PDGFRA: variants seen among roughly 807,000 people sequenced by gnomAD.
PDGFRA encodes the protein platelet-derived growth factor receptor alpha.
Under a neutral mutation model 121.5 loss-of-function variants are expected in PDGFRA, and 25 were observed. The ratio of observed to expected loss-of-function variants is 0.21; its 90% confidence interval spans 0.15 to 0.29. The LOEUF is 0.29. Ranked by LOEUF, PDGFRA falls within the 10% of genes least tolerant of loss-of-function variation. PDGFRA has a pLI of 1.00. For missense variants in PDGFRA, 1,008 were observed against 1,345.1 expected, an observed-to-expected ratio of 0.75 and a Z score of 3.92; for synonymous variants, 463 against 494.8, an observed-to-expected ratio of 0.94 and a Z score of 0.85.
intron 1 of PDGFRA, among the ~76,000 whole-genome samples, chr4:54,232,327 A>G (rs1246246216): frequency 6.6e-6 from 1 of 152,202 alleles, no homozygotes; most frequent in African/African-American, 2.4e-5. Flanking sequence ...GGGTTCTGCC[A>G]GATGGTTGTC....
chr4:54,265,094 G>A (rs1722963748), intron 5 of PDGFRA, 45 bp downstream of exon 5: 3 of 1,603,936 alleles, frequency 1.9e-6, no homozygotes, highest in Non-Finnish European at 2.6e-6. Flanking sequence ...AGAGCAACAG[G>A]GCTCAGAAGA....
chr4:54,243,634 C>G (rs1030273299), intron 1 of PDGFRA: 1 of 152,424 alleles, frequency 6.6e-6, no homozygotes, highest in South Asian at 2.1e-4. Context: ...CCAGCATCAG[C>G]GATGCAGAAG....
chr4:54,242,685 G>A (rs1009194605), intron 1 of PDGFRA, among the ~76,000 whole-genome samples: 2 of 151,724 alleles, frequency 1.3e-5, no homozygotes, highest in Non-Finnish European at 2.9e-5. Context: ...TCTTCTCAGT[G>A]GACTGAATTA....
At position 54,284,879 on chromosome 4, in the gene PDGFRA, C is replaced by CTTTTTTTTTTTTTTTTTTTTTTTTTT. The variant is rs5858264; in HGVS notation, c.2324-470_2324-469insTTTTTTTTTTTTTTTTTTTTTTTTTT. Among the ~76,000 whole-genome samples the CTTTTTTTTTTTTTTTTTTTTTTTTTT allele has an allele frequency of 2.0e-5, 2 of 101,248 alleles. 1 individual carries two copies. The allele number at this position is 101,248 out of a possible 152,430, so 66.4% of individuals were successfully genotyped here. Reference sequence around the variant, plus strand: ...CTTTCCTTTCTTTCATTCTTTCTATCTTTTTTTTTTTTTTTTTTTTTTGAG... The same window carrying CTTTTTTTTTTTTTTTTTTTTTTTTTT: ...CTTTCCTTTCTTTCATTCTTTCTATCTTTTTTTTTTTTTTTTTTTTTTTTTTTTTTTTTTTTTTTTTTTTTTTTGAG... On this transcript the variant is annotated intron_variant, in intron 16 of 22. Coordinates refer to ENST00000257290, the MANE Select transcript of PDGFRA (RefSeq NM_006206.6).
chr4:54,252,161 C>T (rs1458724493), intron 1 of PDGFRA, among the ~76,000 whole-genome samples: 6 of 152,134 alleles, frequency 3.9e-5, no homozygotes, highest in East Asian at 1.9e-4. Context: ...GGATGGCTAA[C>T]GTAAAGATCT....
chr4:54,238,579 T>C lies in PDGFRA; in HGVS notation c.-13+9164T>C, dbSNP rs951552406. The stretch of plus-strand genomic sequence containing the variant: ...AAGAAGAGGATGAGACCTGCTGGGC[T>C]GCATTCCCAGGAGGTTACACATTTG... On this transcript the variant is annotated intron_variant, in intron 1 of 22. Transcript: ENST00000257290. Among the ~76,000 whole-genome samples the C allele has an allele frequency of 2.0e-5, 3 of 152,202 alleles. No homozygotes were observed. The East Asian group carries it at 5.8e-4, about 29-fold the overall frequency.
At position 54,244,410 on chromosome 4, in the gene PDGFRA, G is replaced by A. The variant is rs201056011; in HGVS notation, c.-12-14347G>A. Among the ~76,000 whole-genome samples the A allele has an allele frequency of 1.0e-3, 155 of 152,186 alleles. 1 individual carries two copies. In the East Asian group the frequency reaches 0.021, roughly 20 times the overall value. Reference sequence around the variant, plus strand: ...TCAGACAGCAGCATTTGCGGTTCACGAAAATCTGCTGTTCTGCCGCCACTG... The same window carrying A: ...TCAGACAGCAGCATTTGCGGTTCACAAAAATCTGCTGTTCTGCCGCCACTG... On this transcript the variant is annotated intron_variant, in intron 1 of 22. Transcript: ENST00000257290.
intron 1 of PDGFRA, among the ~76,000 whole-genome samples, chr4:54,258,183 G>C (rs1722478378): frequency 6.6e-6 from 1 of 152,032 alleles, no homozygotes; most frequent in African/African-American, 2.4e-5. Context: ...TGTTTAGCCT[G>C]GCTTGGGATC....
intron 1 of PDGFRA, among the ~76,000 whole-genome samples, chr4:54,236,782 G>A (rs1049843335): frequency 5.4e-4 from 82 of 151,858 alleles, no homozygotes; most frequent in African/African-American, 1.7e-3. Flanking sequence ...CAGCCCAGGC[G>A]GCAGTGCAAG....
chr4:54,231,353 G>A (rs981868464), intron 1 of PDGFRA, among the ~76,000 whole-genome samples: 5 of 152,196 alleles, frequency 3.3e-5, no homozygotes. Flanking sequence ...GCCTCGCCGC[G>A]GTCGCTCCTG....
chr4:54,277,532 T>G, intron 13 of PDGFRA, 40 bp downstream of exon 13: 1 of 1,316,968 alleles, frequency 7.6e-7, no homozygotes, highest in African/African-American at 1.4e-5. Flanking sequence ...GCACGGGGAT[T>G]TTTTGAGCAT....
At chr4:54,287,826 A>G (rs1055875384) in intron 19 of PDGFRA, among the ~76,000 whole-genome samples, 1 of 152,124 alleles carries the variant, frequency 6.6e-6, no homozygotes, top group African/African-American at 2.4e-5. Context: ...AGTGGTCCCA[A>G]TGACATTCGC....
At position 54,298,213 on chromosome 4, in the gene PDGFRA, A is replaced by G. The variant is rs1456707745; in HGVS notation, c.*2941A>G. The G allele has an allele frequency of 5.1e-6, 1 of 197,006 alleles. No homozygotes were observed. The highest frequency in any genetic ancestry group is 2.3e-5 in the African/African-American group (1 of 43,292). 12.2% of individuals were successfully genotyped at this position (197,006 alleles called of 1,614,324 possible). ...TTAAAACGTGTAAATGAAGATCTTTATATTTCAATAAATGATATATAATTT... is the reference window on the plus strand; with the variant it reads ...TTAAAACGTGTAAATGAAGATCTTTGTATTTCAATAAATGATATATAATTT... On this transcript the variant is annotated 3_prime_UTR_variant, in exon 23 of 23. Transcript: ENST00000257290.
At chr4:54,251,803 A>T (rs560899430) in intron 1 of PDGFRA, among the ~76,000 whole-genome samples, 2 of 152,216 alleles carry the variant, frequency 1.3e-5, no homozygotes, top group African/African-American at 4.8e-5. Flanking sequence ...GGCTGGCTCA[A>T]GGCTTTAAGA....
At chr4:54,253,845 C>T (rs1370589424) in intron 1 of PDGFRA, among the ~76,000 whole-genome samples, 4 of 151,978 alleles carry the variant, frequency 2.6e-5, no homozygotes, top group Non-Finnish European at 4.4e-5. Flanking sequence ...CCACCATGCC[C>T]GGCTAATGTT....
chr4:54,255,781 A>C (rs1267343490), intron 1 of PDGFRA, among the ~76,000 whole-genome samples: 2 of 151,824 alleles, frequency 1.3e-5, no homozygotes, highest in Non-Finnish European at 2.9e-5. Context: ...CTGGGATTAC[A>C]GGCGTGAGCC....
At position 54,261,305 on chromosome 4, in the gene PDGFRA, T is replaced by C. The variant is rs1473497171; in HGVS notation, c.260T>C (p.Val87Ala). The C allele has an allele frequency of 6.2e-7, 1 of 1,614,022 alleles. No homozygotes were observed. The highest frequency in any genetic ancestry group is 8.5e-7 in the Non-Finnish European group (1 of 1,179,994). ...GGCCTTTTTGTGACGGTCTTGGAAG[T>C]GAGCAGTGCCTCGGCGGCCCACACA... ...NSGLFVTVLE[V>A]SSASAAHTGL... The change falls in exon 3 of 23, where the codon GTG becomes GCG. Residue 87 changes from valine to alanine, a missense_variant. Transcript: ENST00000257290.
chr4:54,249,662 C>T (rs1391632180), intron 1 of PDGFRA, among the ~76,000 whole-genome samples: 1 of 151,992 alleles, frequency 6.6e-6, no homozygotes, highest in East Asian at 1.9e-4. Context: ...GGAGGGATAC[C>T]TTTAGGAGAT....
rs200719395 is a variant in PDGFRA at position 54,278,408 on chromosome 4, C to G, written c.2049C>G (p.Val683=). Residue 683 remains valine, a synonymous_variant, in exon 15 of 23, where the codon GTC becomes GTG. Coordinates refer to ENST00000257290, the MANE Select transcript of PDGFRA (RefSeq NM_006206.6). Reference sequence around the variant, plus strand: ...AGTATTGCTTCTATGGAGATTTGGTCAACTATTTGCATAAGAATAGGGATA... The same window carrying G: ...AGTATTGCTTCTATGGAGATTTGGTGAACTATTTGCATAAGAATAGGGATA... ...ITEYCFYGDL[V]NYLHKNRDSF... 64 of 1,613,616 alleles carry G rather than the reference C, an allele frequency of 4.0e-5. No homozygotes were observed. In the African/African-American group the frequency reaches 4.1e-4, roughly 10 times the overall value.
Sources: gnomAD v4.1 joint callset for allele counts (sites outside exome capture counted in the v4.1 genomes callset) on GRCh38, gnomAD v4.1.1 for gene constraint, MANE v1.5 for transcripts, NCBI Gene and HGNC (gene_info 2026-07-23, HGNC 2026-07-21) for gene names.